The following RILPL2 variants were observed in gnomAD, a reference collection of about 807,000 sequenced individuals.
RILPL2 encodes the protein Rab interacting lysosomal protein like 2, also known as RILP-like protein 2.
A neutral mutation model predicts 22.2 loss-of-function variants in RILPL2; 19 were observed. The observed-to-expected ratio is 0.86, with a 90% CI of 0.60 to 1.25. RILPL2 has a LOEUF of 1.25. Ranked by LOEUF, RILPL2 falls within the 50% of genes most tolerant of loss-of-function variation. The probability of loss-of-function intolerance (pLI) is 0.00; values close to 1 mark genes in which losing one functional copy is unlikely to be tolerated. For missense variants in RILPL2, 243 were observed against 263.6 expected, an observed-to-expected ratio of 0.92 and a Z score of 0.54; for synonymous variants, 123 against 111.6, an observed-to-expected ratio of 1.10 and a Z score of -0.64.
intron 1 of RILPL2, among the ~76,000 whole-genome samples, chr12:123,431,066 A>G (rs1160146251): frequency 6.6e-6 from 1 of 151,908 alleles, no homozygotes; most frequent in African/African-American, 2.4e-5. Context: ...CTGGTCTTCA[A>G]CTCCTGGCTT....
Position 123,428,167 on chromosome 12 carries a change from C to T in RILPL2, c.491+2341G>A, listed in dbSNP as rs117060930. Among the ~76,000 whole-genome samples the T allele has an allele frequency of 5.4e-3, 823 of 152,256 alleles. 5 individuals are homozygous for T. The highest frequency in any genetic ancestry group is 9.9e-3 in the Non-Finnish European group (676 of 68,022). On this transcript the variant is annotated intron_variant, in intron 2 of 3. Transcript: ENST00000280571. ...CTATTTTTTTTCTGAGATGGAGTCT[C>T]GCTCTTCCGCCCAGGCTGGAGTGCA...
intron 3 of RILPL2, among the ~76,000 whole-genome samples, chr12:123,419,208 C>T (rs1177659837): frequency 6.7e-6 from 1 of 150,164 alleles, no homozygotes. Flanking sequence ...GATGGGGTTT[C>T]ACCATGTTAG....
In RILPL2 at chr12:123,426,169, G is replaced by C. The variant is rs376966561; in HGVS notation, c.492-3012C>G. ...TATTCTAATTTTATTTTATTTTTGA[G>C]ACAGAGTCTCACTCTATCACCCAGG... On this transcript the variant is annotated intron_variant, in intron 2 of 3. Coordinates refer to ENST00000280571, the MANE Select transcript of RILPL2 (RefSeq NM_145058.3). 7.2e-5 allele frequency among the ~76,000 whole-genome samples: 11 copies of C among 152,016 alleles called. 1 individual carries two copies. In the East Asian group the frequency reaches 2.1e-3, roughly 29 times the overall value.
At chr12:123,421,671 CTTTTTTTTTTT>C (rs561071129) in intron 3 of RILPL2, among the ~76,000 whole-genome samples, 46 of 135,790 alleles carry the variant, frequency 3.4e-4, no homozygotes, top group African/African-American at 1.2e-3. Context: ...TGGGTTATTC[CTTTTTTTTTTT>C]TTTTTTTTTG....
chr12:123,430,451 T>C, intron 2 of RILPL2, 57 bp downstream of exon 2: 1 of 1,490,736 alleles, frequency 6.7e-7, no homozygotes, highest in Non-Finnish European at 9.0e-7. Flanking sequence ...ATATGTAACC[T>C]AGCAAGGAAT....
chr12:123,436,168 C>T lies in RILPL2; in HGVS notation c.253G>A (p.Ala85Thr). 3.1e-6 allele frequency: 5 copies of T among 1,609,368 alleles called. No individual in the cohort carries two copies. Among genetic ancestry groups the T allele is most frequent in the Non-Finnish European group, 4.2e-6 (5 of 1,178,142 alleles). Residue 85 changes from alanine (A) to threonine (T), a missense_variant, in exon 1 of 4, where the codon GCG (alanine) becomes ACG (threonine). Physicochemically the swap from Ala to Thr is moderately conservative, Grantham distance 58. Coordinates refer to ENST00000280571, the MANE Select transcript of RILPL2 (RefSeq NM_145058.3). The surrounding 1 kb of genome is among the most constrained non-coding windows in gnomAD (Gnocchi z 6.7). Reference protein sequence around the residue: ...LEALVNEGSLALEELKMERDH... With the variant: ...LEALVNEGSLTLEELKMERDH... ...CTCTCCATCTTCAGCTCCTCCAGCG[C>T]CAGGCTGCCCTCATTCACCAGCGCC...
intron 2 of RILPL2, among the ~76,000 whole-genome samples, chr12:123,426,979 T>C (rs1879460797): frequency 6.6e-6 from 1 of 151,676 alleles, no homozygotes; most frequent in Non-Finnish European, 1.5e-5. Context: ...TGGAGTGCAG[T>C]TGCTATTCAC....
chr12:123,415,874 T>A lies in RILPL2; in HGVS notation c.*17A>T. The A allele has an allele frequency of 6.2e-7, 1 of 1,613,796 alleles. No homozygotes were observed. On this transcript the variant is annotated 3_prime_UTR_variant, in exon 4 of 4. Coordinates refer to ENST00000280571, the MANE Select transcript of RILPL2 (RefSeq NM_145058.3). ...TCTTCTAGAATCAGAGCCATAGCCT[T>A]ACTTGTGGCCTTGGATCTAGGTCTG...
chr12:123,436,643 G>A lies in RILPL2; in HGVS notation c.-223C>T. On this transcript the variant is annotated 5_prime_UTR_variant, in exon 1 of 4. Coordinates refer to ENST00000280571, the MANE Select transcript of RILPL2 (RefSeq NM_145058.3). This position sits in a 1 kb window ranked among gnomAD's most constrained non-coding sequence, Gnocchi z 6.7. The stretch of plus-strand genomic sequence containing the variant: ...CGCTGCCAGCCACGCTGGAGAGTGC[G>A]CTCCAGGATGTGGTTTGGGGCGCGA... 1.4e-6 allele frequency: 1 copy of A among 701,854 alleles called. No individual in the cohort carries two copies. The highest frequency in any genetic ancestry group is 2.3e-6 in the Non-Finnish European group (1 of 435,118). The allele number at this position is 701,854 out of a possible 1,614,324, so 43.5% of individuals were successfully genotyped here.
Position 123,430,649 on chromosome 12 carries a change from C to A in RILPL2, c.350G>T (p.Gly117Val). The change falls in exon 2 of 4, where the codon GGC (glycine) becomes GTC (valine). Residue 117 changes from glycine to valine, a missense_variant. By Grantham distance (109) the Gly-to-Val change is moderately radical (BLOSUM62 -3). Transcript: ENST00000280571. ...SPPASGEVNL[G>V]PNKMVVDLTD... ...CAGGTCAACCACCATTTTGTTTGGG[C>A]CCAGGTTCACCTGGAAGAAAAGACG... 1.3e-6 allele frequency: 2 copies of A among 1,587,594 alleles called. No individual in the cohort carries two copies. Among genetic ancestry groups the A allele is most frequent in the East Asian group, 2.3e-5 (1 of 43,402 alleles).
chr12:123,436,167 G>A lies in RILPL2; in HGVS notation c.254C>T (p.Ala85Val), dbSNP rs1194909765. ...CCTCTCCATCTTCAGCTCCTCCAGC[G>A]CCAGGCTGCCCTCATTCACCAGCGC... ...LEALVNEGSL[A>V]LEELKMERDH... The change falls in exon 1 of 4, where the codon GCG becomes GTG. Residue 85 changes from alanine (A) to valine (V), a missense_variant. By Grantham distance (64) the Ala-to-Val change is moderately conservative (BLOSUM62 0). Coordinates refer to ENST00000280571, the MANE Select transcript of RILPL2 (RefSeq NM_145058.3). This position sits in a 1 kb window ranked among gnomAD's most constrained non-coding sequence, Gnocchi z 6.7. 5 of 1,608,502 alleles carry A rather than the reference G, an allele frequency of 3.1e-6. No individual in the cohort carries two copies. Among genetic ancestry groups the A allele is most frequent in the East Asian group, 2.2e-5 (1 of 44,508 alleles).
intron 1 of RILPL2, 28 bp from the exon 2 acceptor site, chr12:123,430,687 G>C: frequency 6.5e-7 from 1 of 1,528,850 alleles, no homozygotes; most frequent in Non-Finnish European, 8.8e-7. Flanking sequence ...ACCTTTGCAA[G>C]CAACTCTATA....
chr12:123,424,685 C>T (rs186889280), intron 2 of RILPL2, among the ~76,000 whole-genome samples: 1 of 152,192 alleles, frequency 6.6e-6, no homozygotes, highest in East Asian at 1.9e-4. Context: ...TAGTTTAAAT[C>T]GGACTTCTGT....
the RILPL2 span, among the ~76,000 whole-genome samples, chr12:123,409,550 C>CCT: frequency 4.3e-4 from 52 of 122,186 alleles, 1 homozygote; most frequent in East Asian, 3.9e-3. Flanking sequence ...AAAGTTAATG[C>CCT]TTTTTTTTTT....
intron 2 of RILPL2, among the ~76,000 whole-genome samples, chr12:123,425,182 TA>T (rs1264613817): frequency 2.0e-5 from 3 of 151,914 alleles, no homozygotes; most frequent in Non-Finnish European, 4.4e-5. Flanking sequence ...GCCTTATTAT[TA>T]TTTTTTTTTT....
At position 123,423,090 on chromosome 12, in the gene RILPL2, T is replaced by C. The variant is rs1295664235; in HGVS notation, c.559A>G (p.Lys187Glu). Residue 187 changes from lysine (K) to glutamate (E), a missense_variant, in exon 3 of 4, where the codon AAA becomes GAA. Physicochemically the swap from Lys to Glu is moderately conservative, Grantham distance 56. Coordinates refer to ENST00000280571, the MANE Select transcript of RILPL2 (RefSeq NM_145058.3). ...REKDAVVTSA[K>E]NAGRNKEEKT... ...TCCTCCTTGTTCCTGCCAGCATTTT[T>C]GGCACTAGTAACCACAGCATCTTTT... The C allele has an allele frequency of 1.2e-6, 2 of 1,614,008 alleles. No homozygotes were observed. Among genetic ancestry groups the C allele is most frequent in the South Asian group, 2.2e-5 (2 of 91,048 alleles).
chr12:123,420,371 C>T (rs1879246027), intron 3 of RILPL2, among the ~76,000 whole-genome samples: 1 of 151,948 alleles, frequency 6.6e-6, no homozygotes, highest in South Asian at 2.1e-4. Context: ...GATCTCTTGG[C>T]TTGGTGATCC....
chr12:123,420,848 G>T (rs1041274921), intron 3 of RILPL2, among the ~76,000 whole-genome samples: 2 of 152,128 alleles, frequency 1.3e-5, no homozygotes, highest in African/African-American at 2.4e-5. Flanking sequence ...AGGGGCGAAT[G>T]CACTTAGGAG....
chr12:123,431,551 C>T (rs557530792), intron 1 of RILPL2, among the ~76,000 whole-genome samples: 6 of 152,140 alleles, frequency 3.9e-5, no homozygotes, highest in South Asian at 2.1e-4. Context: ...GGGCCGGGCA[C>T]GGTGGCTCAC....
Sources: allele counts gnomAD v4.1 joint callset (sites outside exome capture counted in the v4.1 genomes callset), GRCh38; gene constraint gnomAD v4.1.1; non-coding constraint Gnocchi (gnomAD v3.1); transcripts MANE v1.5; gene names NCBI Gene and HGNC (gene_info 2026-07-23, HGNC 2026-07-21).